Variants in RNF220 observed in about 807,000 individuals in gnomAD.
RNF220 encodes E3 ubiquitin-protein ligase RNF220.
RNF220 carries 7 observed loss-of-function variants against 67.1 expected under a neutral mutation model. That is an observed-to-expected ratio of 0.10 (90% CI 0.06 to 0.20). The LOEUF (loss-of-function observed/expected upper bound fraction) is 0.20. Ranked by LOEUF, RNF220 falls within the 10% of genes least tolerant of loss-of-function variation. The probability of loss-of-function intolerance (pLI) is 1.00; values close to 1 mark genes in which losing one functional copy is unlikely to be tolerated. For synonymous variants in RNF220, 270 were observed against 283.2 expected (o/e 0.95, Z 0.47); for missense variants, 565 against 740.3 (o/e 0.76, Z 2.75).
intron 4 of RNF220, among the ~76,000 whole-genome samples, chr1:44,625,119 C>G (rs1247844481): frequency 6.6e-6 from 1 of 152,200 alleles, no homozygotes; most frequent in Non-Finnish European, 1.5e-5. Flanking sequence ...ACTGTTCCCC[C>G]TCGTTAGCAT....
At chr1:44,648,340 C>T (rs1006019897) in intron 12 of RNF220, 1 of 152,194 alleles carries the variant, frequency 6.6e-6, no homozygotes, top group African/African-American at 2.4e-5. Flanking sequence ...TTATCAATCC[C>T]TCAGTACAAT....
intron 2 of RNF220, among the ~76,000 whole-genome samples, chr1:44,421,198 G>T (rs1268150200): frequency 6.6e-6 from 1 of 152,124 alleles, no homozygotes; most frequent in Admixed American, 6.5e-5. Context: ...GATTTGACTC[G>T]GGTTGGATAT....
intron 2 of RNF220, among the ~76,000 whole-genome samples, chr1:44,526,116 C>A (rs1004983040): frequency 6.6e-6 from 1 of 152,160 alleles, no homozygotes; most frequent in African/African-American, 2.4e-5. Context: ...CACCTGTTTG[C>A]CTACCTCAAA....
At chr1:44,564,604 A>T (rs1663838397) in intron 2 of RNF220, among the ~76,000 whole-genome samples, 1 of 151,892 alleles carries the variant, frequency 6.6e-6, no homozygotes, top group African/African-American at 2.4e-5. Context: ...AAAATACAAA[A>T]ATTACGCAGG....
chr1:44,478,061 C>G (rs1322505662), intron 2 of RNF220, among the ~76,000 whole-genome samples: 1 of 152,150 alleles, frequency 6.6e-6, no homozygotes, highest in Non-Finnish European at 1.5e-5. Flanking sequence ...TCACTGCAGC[C>G]TCTGCCTCCT....
At chr1:44,470,328 G>A (rs1483993902) in intron 2 of RNF220, among the ~76,000 whole-genome samples, 4 of 152,154 alleles carry the variant, frequency 2.6e-5, no homozygotes, top group Non-Finnish European at 5.9e-5. Flanking sequence ...AGTTTGGAAG[G>A]GAATCACAGT....
intron 2 of RNF220, among the ~76,000 whole-genome samples, chr1:44,420,165 G>A (rs1177221915): frequency 6.6e-6 from 1 of 152,234 alleles, no homozygotes; most frequent in Non-Finnish European, 1.5e-5. Context: ...AGAAATGAAA[G>A]TTGTGTTTTT....
At chr1:44,432,219 C>T (rs1383732189) in intron 2 of RNF220, among the ~76,000 whole-genome samples, 1 of 152,134 alleles carries the variant, frequency 6.6e-6, no homozygotes, top group Non-Finnish European at 1.5e-5. Flanking sequence ...TCCTGCTACT[C>T]TGTAGAGGCA....
At chr1:44,553,814 A>G (rs1303757097) in intron 2 of RNF220, among the ~76,000 whole-genome samples, 2 of 152,146 alleles carry the variant, frequency 1.3e-5, no homozygotes, top group African/African-American at 4.8e-5. Context: ...TTATAAAGAG[A>G]AGGTGAAGTA....
intron 2 of RNF220, among the ~76,000 whole-genome samples, chr1:44,462,825 G>A (rs1348189350): frequency 6.7e-6 from 1 of 148,342 alleles, no homozygotes; most frequent in Non-Finnish European, 1.5e-5. Flanking sequence ...TCAGGAGATC[G>A]AGACCATCCT....
At chr1:44,547,375 G>A (rs1021043176) in intron 2 of RNF220, among the ~76,000 whole-genome samples, 3 of 152,132 alleles carry the variant, frequency 2.0e-5, no homozygotes, top group Non-Finnish European at 2.9e-5. Flanking sequence ...TTCTCCTAAA[G>A]ATTGTTCATC....
chr1:44,518,599 G>A lies in RNF220; in HGVS notation c.626-95566G>A, dbSNP rs186252084. ...AAGCCTTTAAAAACAATCCTGGGCC[G>A]GGCGCGGTGGCTCACACCTGTAATC... On this transcript the variant is annotated intron_variant, in intron 2 of 14. Coordinates refer to ENST00000361799, the MANE Select transcript of RNF220 (RefSeq NM_018150.4). 1.2e-3 allele frequency among the ~76,000 whole-genome samples: 184 copies of A among 152,076 alleles called. 2 individuals are homozygous for A. The highest frequency in any genetic ancestry group is 1.5e-3 in the African/African-American group (64 of 41,484).
At chr1:44,503,841 C>G (rs567772111) in intron 2 of RNF220, among the ~76,000 whole-genome samples, 1 of 152,190 alleles carries the variant, frequency 6.6e-6, no homozygotes, top group East Asian at 1.9e-4. Context: ...TGGGGCCCAG[C>G]CATCCGTGGG....
intron 2 of RNF220, among the ~76,000 whole-genome samples, chr1:44,584,675 A>G (rs1005414984): frequency 2.0e-5 from 3 of 151,956 alleles, no homozygotes; most frequent in Non-Finnish European, 2.9e-5. Context: ...CAGAAGTAAC[A>G]TTTCTTTTTG....
At chr1:44,572,061 C>T (rs1011389461) in intron 2 of RNF220, among the ~76,000 whole-genome samples, 2 of 152,242 alleles carry the variant, frequency 1.3e-5, no homozygotes, top group Non-Finnish European at 1.5e-5. Flanking sequence ...TCCCTGCCTC[C>T]GGTCCTTCCT....
chr1:44,568,829 G>A (rs79146006), intron 2 of RNF220, among the ~76,000 whole-genome samples: 2,907 of 152,238 alleles, frequency 0.019, 91 homozygotes, highest in African/African-American at 0.066. Context: ...TTTATGGGAT[G>A]GGATGGGGGA....
chr1:44,464,657 A>G (rs1457576974), intron 2 of RNF220, among the ~76,000 whole-genome samples: 4 of 152,194 alleles, frequency 2.6e-5, no homozygotes, highest in Admixed American at 6.5e-5. Flanking sequence ...TATCAAAGAA[A>G]CAGCAACTTT....
At chr1:44,478,797 G>A (rs1368970763) in intron 2 of RNF220, among the ~76,000 whole-genome samples, 1 of 152,160 alleles carries the variant, frequency 6.6e-6, no homozygotes, top group East Asian at 1.9e-4. Context: ...CTGGGCAAAT[G>A]TTGACAGGTC....
In RNF220 at chr1:44,650,126, T is replaced by C; in HGVS notation, c.1629+169T>C. On this transcript the variant is annotated intron_variant, in intron 14 of 14. Coordinates refer to ENST00000361799, the MANE Select transcript of RNF220 (RefSeq NM_018150.4). This position sits in a 1 kb window ranked among gnomAD's most constrained non-coding sequence, Gnocchi z 4.3. ...GATATTTACCCCCAGGCTCGCTGCC[T>C]CTCCTCCCCAACTGCAGGTTTAGGA... 1 of 677,250 alleles carries C rather than the reference T, an allele frequency of 1.5e-6. No individual in the cohort carries two copies. Among genetic ancestry groups the C allele is most frequent in the Non-Finnish European group, 2.5e-6 (1 of 405,968 alleles). The allele number at this position is 677,250 out of a possible 1,614,324, so 42.0% of individuals were successfully genotyped here. A position where few individuals can be genotyped will look rare whatever the true frequency, so the allele number is the denominator to read the frequency against.
Sources: gnomAD v4.1 joint callset for allele counts (sites outside exome capture counted in the v4.1 genomes callset) on GRCh38, gnomAD v4.1.1 for gene constraint, Gnocchi (gnomAD v3.1) non-coding constraint, MANE v1.5 for transcripts, NCBI Gene and HGNC (gene_info 2026-07-23, HGNC 2026-07-21) for gene names.